Variants in PTPRO observed in about 807,000 individuals in gnomAD.
PTPRO encodes receptor-type tyrosine-protein phosphatase O.
Under a neutral mutation model 145.2 loss-of-function variants are expected in PTPRO, and 62 were observed. The ratio of observed to expected loss-of-function variants is 0.43; its 90% CI spans 0.35 to 0.53. The LOEUF is 0.53. PTPRO is among the 20% of genes least tolerant of loss of function. PTPRO has a pLI of 0.01. For missense variants in PTPRO, 1,345 were observed against 1,482.7 expected, an observed-to-expected ratio of 0.91 and a Z score of 1.53; for synonymous variants, 565 against 514.7, an observed-to-expected ratio of 1.10 and a Z score of -1.32.
At chr12:15,537,444 C>G (rs1001184430) in intron 12 of PTPRO, among the ~76,000 whole-genome samples, 4 of 152,060 alleles carry the variant, frequency 2.6e-5, no homozygotes, top group Non-Finnish European at 5.9e-5. Context: ...TGTCCTGTCC[C>G]AGGAGCCAAG....
At chr12:15,440,362 C>T (rs1940729095) in intron 1 of PTPRO, 6 of 397,144 alleles carry the variant, frequency 1.5e-5, no homozygotes, top group Non-Finnish European at 2.7e-5. Flanking sequence ...ACACCAGAGT[C>T]TCCATGCAGA....
At chr12:15,332,110 C>A (rs1169150614) in intron 1 of PTPRO, among the ~76,000 whole-genome samples, 5 of 152,008 alleles carry the variant, frequency 3.3e-5, no homozygotes, top group Non-Finnish European at 5.9e-5. Flanking sequence ...CGATTACAGG[C>A]ATGCACCAGC....
chr12:15,589,178 C>G (rs1446975630), intron 24 of PTPRO, among the ~76,000 whole-genome samples: 1 of 152,132 alleles, frequency 6.6e-6, no homozygotes, highest in East Asian at 1.9e-4. Flanking sequence ...AAGTTCAAGA[C>G]CAGCCTGGCC....
chr12:15,412,967 A>G (rs1939840963), intron 1 of PTPRO, among the ~76,000 whole-genome samples: 1 of 150,718 alleles, frequency 6.6e-6, no homozygotes. Context: ...TAATTTTTGT[A>G]TTTTTAGTAG....
chr12:15,551,204 C>T (rs534197969), intron 14 of PTPRO, among the ~76,000 whole-genome samples: 51 of 152,254 alleles, frequency 3.3e-4, no homozygotes, highest in Admixed American at 8.5e-4. Flanking sequence ...TGTTAAAAAA[C>T]GATAATGCAT....
At position 15,355,394 on chromosome 12, in the gene PTPRO, C is replaced by A. The variant is rs920063860; in HGVS notation, c.75+32593C>A. On this transcript the variant is annotated intron_variant, in intron 1 of 26. Coordinates refer to ENST00000281171, the MANE Select transcript of PTPRO (RefSeq NM_030667.3). ...TTCATTTCATGGCCTTAGTCAGGTG[C>A]CTTGGCTGCAAATTTTCCCTCTCTA... Among the ~76,000 whole-genome samples the A allele has an allele frequency of 5.3e-5, 8 of 152,250 alleles. No homozygotes were observed. In the East Asian group the frequency reaches 1.5e-3, roughly 29 times the overall value.
chr12:15,479,347 C>A (rs1221776399), intron 1 of PTPRO, among the ~76,000 whole-genome samples: 1 of 152,156 alleles, frequency 6.6e-6, no homozygotes, highest in East Asian at 1.9e-4. Flanking sequence ...TTGATAGCAC[C>A]TCAGCCAGCA....
In PTPRO at chr12:15,367,228, G is replaced by C. The variant is rs558487294; in HGVS notation, c.75+44427G>C. Among the ~76,000 whole-genome samples, 4 of 152,216 alleles carry C rather than the reference G, an allele frequency of 2.6e-5. No homozygotes were observed. In the South Asian group the frequency reaches 8.3e-4, roughly 32 times the overall value. On this transcript the variant is annotated intron_variant, in intron 1 of 26. Coordinates refer to ENST00000281171, the MANE Select transcript of PTPRO (RefSeq NM_030667.3). ...TTATAGGCAAACGTTTCTGAAGCAA[G>C]AATCAAATAGCAGTGCAAGATAATA...
chr12:15,388,620 G>A (rs1474166172), intron 1 of PTPRO, among the ~76,000 whole-genome samples: 2 of 152,194 alleles, frequency 1.3e-5, no homozygotes, highest in African/African-American at 2.4e-5. Flanking sequence ...GATACACCAT[G>A]TGGGTATTTT....
At chr12:15,494,830 A>G (rs1942068837) in intron 2 of PTPRO, among the ~76,000 whole-genome samples, 1 of 152,224 alleles carries the variant, frequency 6.6e-6, no homozygotes, top group South Asian at 2.1e-4. Context: ...TTTCAGTAGA[A>G]GAAACCCTGA....
chr12:15,415,097 TAAGG>T (rs893549595), intron 1 of PTPRO, among the ~76,000 whole-genome samples: 10 of 152,160 alleles, frequency 6.6e-5, no homozygotes, highest in African/African-American at 1.9e-4. Context: ...GTGGAGGGGC[TAAGG>T]AAGAACACTG....
chr12:15,497,158 G>C, intron 2 of PTPRO, 87 bp from the exon 3 acceptor site: 1 of 1,227,440 alleles, frequency 8.1e-7, no homozygotes, highest in Non-Finnish European at 1.2e-6. Flanking sequence ...TTTCTGGTAG[G>C]TGTAATCCTT....
chr12:15,509,505 T>A (rs1215384095), intron 7 of PTPRO, among the ~76,000 whole-genome samples: 9 of 151,754 alleles, frequency 5.9e-5, no homozygotes, highest in Non-Finnish European at 1.3e-4. Context: ...GAGACCAGCC[T>A]GGCCAACATG....
intron 1 of PTPRO, among the ~76,000 whole-genome samples, chr12:15,409,906 A>G (rs1247053055): frequency 6.6e-6 from 1 of 152,202 alleles, no homozygotes; most frequent in East Asian, 1.9e-4. Context: ...TTACATTTCA[A>G]TATGAGTGGG....
chr12:15,419,065 G>C (rs970150770), intron 1 of PTPRO, among the ~76,000 whole-genome samples: 1 of 151,584 alleles, frequency 6.6e-6, no homozygotes, highest in Non-Finnish European at 1.5e-5. Flanking sequence ...TCAAGTTACA[G>C]TACACAGAAG....
intron 1 of PTPRO, among the ~76,000 whole-genome samples, chr12:15,378,191 A>C (rs890164680): frequency 6.6e-6 from 1 of 152,002 alleles, no homozygotes; most frequent in Admixed American, 6.6e-5. Flanking sequence ...ACAGAGAAAA[A>C]TCAAAGAAAC....
rs534251353 is a variant in PTPRO, at chr12:15,421,256, A to G, written c.76-62718A>G. Among the ~76,000 whole-genome samples, 7 of 152,278 alleles carry G rather than the reference A, an allele frequency of 4.6e-5. No individual in the cohort carries two copies. In the South Asian group the frequency reaches 8.3e-4, roughly 18 times the overall value. The stretch of plus-strand genomic sequence containing the variant: ...TTTCATTTAACTTACTTATTTTCCT[A>G]TCTTTCCTTCTGGGCTGTAAATCCT... On this transcript the variant is annotated intron_variant, in intron 1 of 26. Coordinates refer to ENST00000281171, the MANE Select transcript of PTPRO (RefSeq NM_030667.3).
In PTPRO at chr12:15,417,714, C is replaced by T. The variant is rs554311062; in HGVS notation, c.76-66260C>T. 2.6e-4 allele frequency among the ~76,000 whole-genome samples: 40 copies of T among 151,824 alleles called. 1 individual carries two copies. Among genetic ancestry groups the T allele is most frequent in the Middle Eastern group, 6.8e-3 (2 of 294 alleles). On this transcript the variant is annotated intron_variant, in intron 1 of 26. Coordinates refer to ENST00000281171, the MANE Select transcript of PTPRO (RefSeq NM_030667.3). Reference sequence around the variant, plus strand: ...CAGTTCCTTCTTAGAAAAGAACTGACGGCACGGCTTAACCAGTGTGACTAA... The same window carrying T: ...CAGTTCCTTCTTAGAAAAGAACTGATGGCACGGCTTAACCAGTGTGACTAA...
chr12:15,406,251 C>T (rs547839570), intron 1 of PTPRO, among the ~76,000 whole-genome samples: 3 of 152,206 alleles, frequency 2.0e-5, no homozygotes, highest in African/African-American at 4.8e-5. Flanking sequence ...TCTGTGTATG[C>T]GGCCATTGCA....
Sources: gnomAD v4.1 joint callset for allele counts (sites outside exome capture counted in the v4.1 genomes callset) on GRCh38, gnomAD v4.1.1 for gene constraint, MANE v1.5 for transcripts, NCBI Gene and HGNC (gene_info 2026-07-23, HGNC 2026-07-21) for gene names.